Variants in LIPA observed in about 807,000 individuals in gnomAD.
LIPA encodes the protein lysosomal acid lipase/cholesteryl ester hydrolase.
LIPA carries 26 observed loss-of-function variants against 40.6 expected under a neutral mutation model. The observed-to-expected ratio is 0.64, with a 90% CI of 0.47 to 0.89. The LOEUF is 0.89. LIPA is among the 40% of genes least tolerant of loss of function. LIPA has a pLI of 0.00. For missense variants in LIPA, 455 were observed against 479.6 expected (o/e 0.95, Z 0.48); for synonymous variants, 188 against 168.4 (o/e 1.12, Z -0.90).
upstream of LIPA, among the ~76,000 whole-genome samples, chr10:89,345,109 G>A (rs1843907626): frequency 1.3e-5 from 2 of 151,854 alleles, no homozygotes; most frequent in African/African-American, 4.8e-5. Flanking sequence ...AGAGGTTGCA[G>A]TGAGCCGAGA....
intron 1 of LIPA, chr10:89,328,230 GT>G: frequency 3.6e-6 from 3 of 832,164 alleles, no homozygotes; most frequent in Non-Finnish European, 3.8e-6. Context: ...TGTTTGAGGG[GT>G]TTTTCCCTGT....
chr10:89,267,826 G>A (rs151240906), intron 1 of LIPA, among the ~76,000 whole-genome samples: 345 of 151,618 alleles, frequency 2.3e-3, no homozygotes, highest in African/African-American at 8.0e-3. Context: ...GGTGCCGCCT[G>A]TCAACAAAAC....
intron 6 of LIPA, among the ~76,000 whole-genome samples, chr10:89,224,744 T>C (rs2133428796): frequency 6.6e-6 from 1 of 152,240 alleles, no homozygotes; most frequent in Admixed American, 6.5e-5. Context: ...CTATCTCCCA[T>C]CTCCTACATC....
chr10:89,392,005 G>A (rs1375630288), intron 2 of LIPA, among the ~76,000 whole-genome samples: 1 of 152,128 alleles, frequency 6.6e-6, no homozygotes, highest in East Asian at 1.9e-4. Flanking sequence ...GAGCAATAGA[G>A]GGCTCTCTAT....
chr10:89,402,313 G>C, intron 2 of LIPA: 1 of 1,613,718 alleles, frequency 6.2e-7, no homozygotes, highest in Non-Finnish European at 8.5e-7. Flanking sequence ...GTCAAGGATA[G>C]TCTGGAGCAA....
rs759268585 is a variant in LIPA at position 89,228,159 on chromosome 10, A to G, written c.428+41T>C. On this transcript the variant is annotated intron_variant, in intron 4 of 9. Coordinates refer to ENST00000336233, the MANE Select transcript of LIPA (RefSeq NM_000235.4). ...GAAGCCTGTTGTCTGCTTTAAGAGT[A>G]CTAAGGAAATACATCCATGCCATTA... 8 of 1,545,064 alleles carry G rather than the reference A, an allele frequency of 5.2e-6. No individual in the cohort carries two copies. The East Asian group carries it at 1.8e-4, about 35-fold the overall frequency.
At chr10:89,239,117 G>C (rs1289744492) in intron 3 of LIPA, among the ~76,000 whole-genome samples, 1 of 152,174 alleles carries the variant, frequency 6.6e-6, no homozygotes, top group Non-Finnish European at 1.5e-5. Context: ...CATTATCTCA[G>C]ATAAGTCACC....
intron 1 of LIPA, among the ~76,000 whole-genome samples, chr10:89,272,072 AAAAAAAAAAATTT>A (rs1843268544): frequency 6.6e-6 from 1 of 150,554 alleles, no homozygotes; most frequent in South Asian, 2.1e-4. Context: ...CTCTGTCTTA[AAAAAAAAAAATTT>A]AAAAAAAACT....
intron 1 of LIPA, among the ~76,000 whole-genome samples, chr10:89,319,011 C>A (rs1258624661): frequency 6.6e-6 from 1 of 152,148 alleles, no homozygotes; most frequent in African/African-American, 2.4e-5. Context: ...TTCTTTGAAA[C>A]CAATGAGAAC....
At chr10:89,294,820 A>G (rs1328234735) in intron 1 of LIPA, among the ~76,000 whole-genome samples, 1 of 151,934 alleles carries the variant, frequency 6.6e-6, no homozygotes, top group Non-Finnish European at 1.5e-5. Context: ...ACAAGAAATA[A>G]AAAATTAGCT....
exon 1 of LIPA, chr10:89,342,642 C>T (rs1843883105): frequency 1.3e-5 from 2 of 152,208 alleles, no homozygotes; most frequent in Admixed American, 1.3e-4. Flanking sequence ...GAATTGCATG[C>T]TGCAGCCCCT....
chr10:89,366,267 G>T (rs1844056186), intron 2 of LIPA, among the ~76,000 whole-genome samples: 1 of 152,096 alleles, frequency 6.6e-6, no homozygotes, highest in Non-Finnish European at 1.5e-5. Context: ...TTGGTGTATA[G>T]GAATGCTTGT....
At chr10:89,287,948 G>A (rs909305955) in intron 1 of LIPA, among the ~76,000 whole-genome samples, 4 of 152,110 alleles carry the variant, frequency 2.6e-5, no homozygotes, top group Non-Finnish European at 5.9e-5. Flanking sequence ...ATTCTGTTCT[G>A]GATCTCAAAC....
intron 2 of LIPA, among the ~76,000 whole-genome samples, chr10:89,368,501 C>G (rs1170736957): frequency 1.3e-5 from 2 of 152,200 alleles, no homozygotes; most frequent in Admixed American, 1.3e-4. Flanking sequence ...GCCTCTCCAC[C>G]CACCAACTCT....
At chr10:89,305,421 A>C (rs1843472030) in intron 1 of LIPA, among the ~76,000 whole-genome samples, 1 of 152,218 alleles carries the variant, frequency 6.6e-6, no homozygotes, top group Non-Finnish European at 1.5e-5. Flanking sequence ...AGATTTCTTT[A>C]AAGGCAAATG....
At chr10:89,310,324 C>A (rs370963019) in intron 1 of LIPA, among the ~76,000 whole-genome samples, 1 of 152,226 alleles carries the variant, frequency 6.6e-6, no homozygotes, top group Admixed American at 6.5e-5. Flanking sequence ...TCCTTCATAC[C>A]CTATGTCAAT....
chr10:89,359,815 TCA>T (rs61589202), intron 2 of LIPA, among the ~76,000 whole-genome samples: 2,128 of 145,984 alleles, frequency 0.015, 20 homozygotes, highest in Middle Eastern at 0.024. Context: ...TCTCTCTCTC[TCA>T]CACACACACA....
chr10:89,324,191 T>C (rs1045350497), intron 1 of LIPA, among the ~76,000 whole-genome samples: 8 of 151,770 alleles, frequency 5.3e-5, no homozygotes, highest in Non-Finnish European at 1.2e-4. Context: ...CATAGACCAA[T>C]GGAACAGAAT....
Position 89,220,189 on chromosome 10 carries a change from C to T in LIPA, c.894+2322G>A, listed in dbSNP as rs188329251. On this transcript the variant is annotated intron_variant, in intron 8 of 9. Coordinates refer to ENST00000336233, the MANE Select transcript of LIPA (RefSeq NM_000235.4). ...ACATTCCCAAGGGCCTCTGACATCC[C>T]AGGTCTGGTGGCCATTTGTACTTTG... is the stretch of plus-strand genomic sequence containing the variant. Among the ~76,000 whole-genome samples the T allele has an allele frequency of 1.3e-4, 20 of 152,276 alleles. No individual in the cohort carries two copies. The East Asian group carries it at 3.5e-3, about 26-fold the overall frequency.
Sources: allele counts gnomAD v4.1 joint callset (sites outside exome capture counted in the v4.1 genomes callset), GRCh38; gene constraint gnomAD v4.1.1; transcripts MANE v1.5; gene names NCBI Gene and HGNC (gene_info 2026-07-23, HGNC 2026-07-21).